CMIP: variants seen among roughly 807,000 people sequenced by gnomAD.
CMIP encodes the protein c-Maf inducing protein, also known as C-Maf-inducing protein.
In CMIP, 13 loss-of-function variants were observed where a neutral mutation model predicts 97.3. That is an observed-to-expected ratio of 0.13 (90% confidence interval 0.09 to 0.21). The LOEUF is 0.21. Among genes scored for constraint, CMIP ranks in the 10% least tolerant of loss-of-function variants. CMIP has a pLI of 1.00. For missense variants in CMIP, 847 were observed against 1,024.9 expected, an observed-to-expected ratio of 0.83 and a Z score of 2.37; for synonymous variants, 538 against 436.3, an observed-to-expected ratio of 1.23 and a Z score of -2.91.
At chr16:81,457,588 G>T (rs1034124607) in intron 1 of CMIP, among the ~76,000 whole-genome samples, 1 of 152,222 alleles carries the variant, frequency 6.6e-6, no homozygotes, top group Admixed American at 6.5e-5. Context: ...TAACAAGCAG[G>T]CTCTGCCACA....
intron 1 of CMIP, among the ~76,000 whole-genome samples, chr16:81,590,262 A>G (rs1597122207): frequency 2.1e-5 from 3 of 145,328 alleles, no homozygotes; most frequent in African/African-American, 7.7e-5. Flanking sequence ...CCTACCTCCC[A>G]TTCCTTCGTC....
At position 81,614,737 on chromosome 16, in the gene CMIP, CTG is replaced by C. The variant is rs1453632000; in HGVS notation, c.427-6136_427-6135del. Reference sequence around the variant, plus strand: ...TGTGTGTGCGTACACATGTGTGTCTCTGTGAGTGTGTATGTGTCTATGTCTGT... The same window carrying C: ...TGTGTGTGCGTACACATGTGTGTCTCTGAGTGTGTATGTGTCTATGTCTGT... On this transcript the variant is annotated intron_variant, in intron 2 of 20. Transcript: ENST00000537098. The surrounding 1 kb of genome is among the most constrained non-coding windows in gnomAD (Gnocchi z 5.3). 2.7e-5 allele frequency among the ~76,000 whole-genome samples: 4 copies of C among 150,574 alleles called. No individual in the cohort carries two copies. The highest frequency in any genetic ancestry group is 9.8e-5 in the African/African-American group (4 of 40,860).
chr16:81,576,733 C>T (rs543464336), intron 1 of CMIP, among the ~76,000 whole-genome samples: 3 of 152,144 alleles, frequency 2.0e-5, no homozygotes, highest in Non-Finnish European at 4.4e-5. Flanking sequence ...AACACAGGGT[C>T]TAGAGTTAGG....
chr16:81,459,997 T>C (rs533658254), intron 1 of CMIP, among the ~76,000 whole-genome samples: 5 of 152,240 alleles, frequency 3.3e-5, no homozygotes, highest in Admixed American at 2.6e-4. Flanking sequence ...TCCCCTCCAG[T>C]GGGGAAGGGA....
At position 81,627,715 on chromosome 16, in the gene CMIP, C is replaced by A. The variant is rs1043641638; in HGVS notation, c.477+6789C>A. 2.0e-5 allele frequency among the ~76,000 whole-genome samples: 3 copies of A among 152,154 alleles called. No individual in the cohort carries two copies. The highest frequency in any genetic ancestry group is 4.4e-5 in the Non-Finnish European group (3 of 68,024). On this transcript the variant is annotated intron_variant, in intron 3 of 20. Transcript: ENST00000537098. The surrounding 1 kb of genome is among the most constrained non-coding windows in gnomAD (Gnocchi z 4.6). ...TCTCATAGCAGAGGGGACTGAGCGT[C>A]CAAGTGGATAAAGGATGAGGATAAA...
At chr16:81,638,070 A>T (rs1160791767) in intron 3 of CMIP, among the ~76,000 whole-genome samples, 1 of 152,198 alleles carries the variant, frequency 6.6e-6, no homozygotes, top group African/African-American at 2.4e-5. Context: ...AATTTTTTGA[A>T]GATACAAACA....
chr16:81,685,090 G>A (rs2151069172), intron 10 of CMIP, among the ~76,000 whole-genome samples: 1 of 152,316 alleles, frequency 6.6e-6, no homozygotes, highest in South Asian at 2.1e-4. Flanking sequence ...GGGACACCCA[G>A]CCTCACCTCC....
chr16:81,563,983 A>G (rs988804531), intron 1 of CMIP, among the ~76,000 whole-genome samples: 2 of 152,262 alleles, frequency 1.3e-5, no homozygotes, highest in Non-Finnish European at 2.9e-5. Context: ...TGGGCTAGAA[A>G]GAGCTGCAGA....
chr16:81,677,244 A>G (rs533505171), intron 9 of CMIP, among the ~76,000 whole-genome samples: 2 of 152,318 alleles, frequency 1.3e-5, no homozygotes, highest in South Asian at 4.1e-4. Flanking sequence ...CAACCTAGTT[A>G]GGAGGATCCT....
chr16:81,514,845 G>A (rs138156208), intron 1 of CMIP, among the ~76,000 whole-genome samples: 22 of 152,306 alleles, frequency 1.4e-4, no homozygotes, highest in Middle Eastern at 6.8e-3. Flanking sequence ...TGTGTGTGCC[G>A]TGCCAGTGTG....
At chr16:81,489,816 G>A (rs2089377420) in intron 1 of CMIP, among the ~76,000 whole-genome samples, 1 of 152,246 alleles carries the variant, frequency 6.6e-6, no homozygotes, top group Non-Finnish European at 1.5e-5. Flanking sequence ...TCTGGCAGGA[G>A]GAGGCACAGG....
At chr16:81,620,799 C>G in intron 2 of CMIP, 77 bp from the exon 3 acceptor site, 1 of 1,564,708 alleles carries the variant, frequency 6.4e-7, no homozygotes, top group South Asian at 1.1e-5. Flanking sequence ...CTTGGGGGCT[C>G]ACATGCTGGC....
At chr16:81,612,184 G>A (rs1179982553) in intron 2 of CMIP, among the ~76,000 whole-genome samples, 4 of 152,216 alleles carry the variant, frequency 2.6e-5, no homozygotes, top group Non-Finnish European at 5.9e-5. Context: ...AAAGAGCAGC[G>A]CGGCGCAGAT....
chr16:81,661,140 ACAAAGAGT>A (rs1404306341), intron 6 of CMIP, among the ~76,000 whole-genome samples, 194 bp downstream of exon 6: 1 of 152,256 alleles, frequency 6.6e-6, no homozygotes, highest in African/African-American at 2.4e-5. Flanking sequence ...CAGACAGGTG[ACAAAGAGT>A]CACAAGGGGA....
At chr16:81,479,245 G>C (rs1168598936) in intron 1 of CMIP, among the ~76,000 whole-genome samples, 1 of 152,202 alleles carries the variant, frequency 6.6e-6, no homozygotes, top group African/African-American at 2.4e-5. Context: ...AAACTGGGAA[G>C]ATGTCATCTC....
intron 1 of CMIP, among the ~76,000 whole-genome samples, chr16:81,585,542 A>G (rs1447633568): frequency 6.6e-6 from 1 of 152,116 alleles, no homozygotes; most frequent in Non-Finnish European, 1.5e-5. Context: ...TATTCTGGAC[A>G]TTTCATATAC....
Position 81,620,862 on chromosome 16 carries a change from T to G in CMIP, c.427-14T>G. Reference sequence around the variant, plus strand: ...TGATGACCGGACCTTGCTGTCCTGTTCTTGTCGTTACAGGCTGCCAATAGC... The same window carrying G: ...TGATGACCGGACCTTGCTGTCCTGTGCTTGTCGTTACAGGCTGCCAATAGC... On this transcript the variant is annotated splice_polypyrimidine_tract_variant and intron_variant, in intron 2 of 20. Coordinates refer to ENST00000537098, the MANE Select transcript of CMIP (RefSeq NM_198390.3). 1 of 1,613,998 alleles carries G rather than the reference T, an allele frequency of 6.2e-7. No homozygotes were observed. The highest frequency in any genetic ancestry group is 1.1e-5 in the South Asian group (1 of 91,082).
chr16:81,676,667 A>G (rs914666143), intron 9 of CMIP, among the ~76,000 whole-genome samples: 3 of 152,230 alleles, frequency 2.0e-5, no homozygotes, highest in African/African-American at 7.2e-5. Context: ...AGCAAAGCTG[A>G]AAGTGTATTT....
intron 1 of CMIP, among the ~76,000 whole-genome samples, chr16:81,602,158 A>C (rs34236462): frequency 0.053 from 8,048 of 152,250 alleles, 283 homozygotes; most frequent in Non-Finnish European, 0.08. Flanking sequence ...GCAGGGATGA[A>C]ATTGATGGTG....
Sources: gnomAD v4.1 joint callset for allele counts (sites outside exome capture counted in the v4.1 genomes callset) on GRCh38, gnomAD v4.1.1 for gene constraint, Gnocchi (gnomAD v3.1) non-coding constraint, MANE v1.5 for transcripts, NCBI Gene and HGNC (gene_info 2026-07-23, HGNC 2026-07-21) for gene names.